The following AFF3 variants were observed in gnomAD, a reference collection of about 807,000 sequenced individuals.
The protein encoded by AFF3 is AF4/FMR2 family member 3.
Under a neutral mutation model 129.7 loss-of-function variants are expected in AFF3, and 32 were observed. The observed-to-expected ratio is 0.25, with a 90% confidence interval of 0.19 to 0.33. AFF3 has a LOEUF of 0.33. Ranked by LOEUF, AFF3 falls within the 10% of genes least tolerant of loss-of-function variation. The pLI is 1.00. For synonymous variants in AFF3, 644 were observed against 635.4 expected, an observed-to-expected ratio of 1.01 and a Z score of -0.20; for missense variants, 1,373 against 1,592.0, an observed-to-expected ratio of 0.86 and a Z score of 2.34.
chr2:99,857,429 A>G (rs1690609915), intron 7 of AFF3, among the ~76,000 whole-genome samples: 1 of 152,250 alleles, frequency 6.6e-6, no homozygotes, highest in African/African-American at 2.4e-5. Context: ...GTTTAATACA[A>G]TCATTGCATT....
At chr2:100,013,990 G>A (rs1331671717) in intron 4 of AFF3, among the ~76,000 whole-genome samples, 1 of 152,138 alleles carries the variant, frequency 6.6e-6, no homozygotes, top group African/African-American at 2.4e-5. Context: ...GAAAGGTGCT[G>A]GAGCCAGGAC....
chr2:99,554,491 C>A lies in AFF3; in HGVS notation c.3379G>T (p.Ala1127Ser), dbSNP rs773572168. The change falls in exon 24 of 25, where the codon GCC becomes TCC. Residue 1127 changes from alanine (A) to serine (S), a missense_variant. By Grantham distance (99) the Ala-to-Ser change is moderately conservative. Around this residue, in one of 9 missense-constraint regions of AFF3, gnomAD observed 165 missense variants for 234.0 expected, o/e 0.71. Coordinates refer to ENST00000672756, the MANE Select transcript of AFF3 (RefSeq NM_001386135.1). ...CTGCCCTGAGACCCCACGGAGCTGG[C>A]GGGAGAGGGGTTGGGAGACATGGGG... ...PSPMSPNPSP[A>S]SSVGSQGSLS... 3 of 1,613,262 alleles carry A rather than the reference C, an allele frequency of 1.9e-6. No homozygotes were observed. Among genetic ancestry groups the A allele is most frequent in the Middle Eastern group, 1.6e-4 (1 of 6,076 alleles).
chr2:99,654,351 A>G (rs1685556459), intron 12 of AFF3, among the ~76,000 whole-genome samples: 1 of 152,206 alleles, frequency 6.6e-6, no homozygotes, highest in East Asian at 1.9e-4. Context: ...TATTAATTGT[A>G]TATATACCAG....
chr2:99,998,135 G>T (rs995204744), intron 7 of AFF3, among the ~76,000 whole-genome samples: 2 of 152,216 alleles, frequency 1.3e-5, no homozygotes, highest in African/African-American at 4.8e-5. Context: ...CCCTGTGTGA[G>T]GTACTGTCCT....
At chr2:100,033,951 G>T (rs1274589819) in intron 4 of AFF3, among the ~76,000 whole-genome samples, 1 of 152,074 alleles carries the variant, frequency 6.6e-6, no homozygotes, top group Non-Finnish European at 1.5e-5. Flanking sequence ...CATAAATCAT[G>T]CAGGCTAATT....
At chr2:99,769,898 C>A (rs1250760503) in intron 8 of AFF3, among the ~76,000 whole-genome samples, 1 of 152,222 alleles carries the variant, frequency 6.6e-6, no homozygotes, top group East Asian at 1.9e-4. Context: ...GGTGGGGTGA[C>A]ATAAGCACCC....
chr2:99,828,817 G>C (rs1289553479), intron 8 of AFF3, among the ~76,000 whole-genome samples: 1 of 152,072 alleles, frequency 6.6e-6, no homozygotes, highest in Non-Finnish European at 1.5e-5. Flanking sequence ...TCATGCTAGG[G>C]ATTTTATGGC....
chr2:99,899,524 T>C (rs1467921584), intron 7 of AFF3, among the ~76,000 whole-genome samples: 6 of 152,236 alleles, frequency 3.9e-5, no homozygotes, highest in African/African-American at 1.4e-4. Flanking sequence ...TCTTCACTGG[T>C]ATTTTATAAA....
At chr2:99,790,091 C>T (rs1049292510) in intron 8 of AFF3, among the ~76,000 whole-genome samples, 16 of 152,184 alleles carry the variant, frequency 1.1e-4, no homozygotes, top group Admixed American at 5.9e-4. Context: ...ATTCTTCCAA[C>T]GAAATGACTA....
At chr2:99,998,430 G>A (rs1681056734) in intron 7 of AFF3, among the ~76,000 whole-genome samples, 1 of 152,070 alleles carries the variant, frequency 6.6e-6, no homozygotes, top group Admixed American at 6.6e-5. Flanking sequence ...AGAGCATAGA[G>A]CATCCCTCGG....
chr2:99,568,822 AG>A, intron 19 of AFF3, 29 bp downstream of exon 19: 1 of 1,607,142 alleles, frequency 6.2e-7, no homozygotes, highest in Non-Finnish European at 8.5e-7. Context: ...ATAATTTGGA[AG>A]AACGTATCTG....
chr2:100,068,071 G>A (rs1246714875), intron 4 of AFF3, among the ~76,000 whole-genome samples: 2 of 152,182 alleles, frequency 1.3e-5, no homozygotes, highest in African/African-American at 4.8e-5. Flanking sequence ...TTCTGTAAAG[G>A]CTGGCCTTGT....
Position 99,582,826 on chromosome 2 carries a change from T to C in AFF3, c.2765A>G (p.Gln922Arg). Residue 922 changes from glutamine (Q) to arginine (R), a missense_variant, in exon 17 of 25, where the codon CAG becomes CGG. Coordinates refer to ENST00000672756, the MANE Select transcript of AFF3 (RefSeq NM_001386135.1). ...SSSKKPKADSQLQPHGGDLTK... is the reference protein window; with the variant it reads ...SSSKKPKADSRLQPHGGDLTK... ...GAGGTCTCCGCCGTGAGGCTGCAGC[T>C]GGCTGTCGGCCTTAGGCTTTTTGCT... The C allele has an allele frequency of 6.2e-7, 1 of 1,614,222 alleles. No individual in the cohort carries two copies.
intron 11 of AFF3, among the ~76,000 whole-genome samples, chr2:99,724,108 G>A (rs1327956911): frequency 3.3e-5 from 5 of 151,954 alleles, no homozygotes; most frequent in Admixed American, 1.3e-4. Context: ...TACCAGATCA[G>A]TATGCTTGCC....
At chr2:99,575,136 A>T (rs1459985403) in intron 18 of AFF3, among the ~76,000 whole-genome samples, 2 of 152,212 alleles carry the variant, frequency 1.3e-5, no homozygotes, top group Non-Finnish European at 2.9e-5. Context: ...GCACTTAGTA[A>T]GTGCTCCATA....
At position 99,586,328 on chromosome 2, in the gene AFF3, G is replaced by A. The variant is rs80014467; in HGVS notation, c.2591+826C>T. 8.2e-3 allele frequency among the ~76,000 whole-genome samples: 1,250 copies of A among 152,256 alleles called. 16 individuals are homozygous for A. Among genetic ancestry groups the A allele is most frequent in the African/African-American group, 0.029 (1,195 of 41,538 alleles). On this transcript the variant is annotated intron_variant, in intron 16 of 24. Transcript: ENST00000672756. ...AGCCCTCGCCTTTCAAGGTGATTCC[G>A]GCGCTGCAGTGTGCCTGTGTGTGTG...
At chr2:99,811,498 TC>T (rs1162519109) in intron 8 of AFF3, among the ~76,000 whole-genome samples, 4 of 152,154 alleles carry the variant, frequency 2.6e-5, no homozygotes, top group Admixed American at 6.5e-5. Context: ...CTCTTTATCC[TC>T]CCCGTACTGC....
chr2:99,707,081 T>C (rs1052304876), intron 11 of AFF3: 3 of 984,292 alleles, frequency 3.0e-6, no homozygotes, highest in African/African-American at 1.7e-5. Context: ...GAAGATATAA[T>C]AGTACAATGA....
chr2:99,745,879 A>G (rs1681112870), intron 9 of AFF3, among the ~76,000 whole-genome samples: 1 of 152,230 alleles, frequency 6.6e-6, no homozygotes, highest in South Asian at 2.1e-4. Context: ...AATAGAAAGT[A>G]AACCACATAC....
Sources: allele counts gnomAD v4.1 joint callset (sites outside exome capture counted in the v4.1 genomes callset), GRCh38; gene constraint gnomAD v4.1.1; regional missense constraint gnomAD v4.1.1; transcripts MANE v1.5; gene names NCBI Gene and HGNC (gene_info 2026-07-23, HGNC 2026-07-21).